SPTBN1: variants seen among roughly 807,000 people sequenced by gnomAD.
SPTBN1 encodes the protein spectrin beta, non-erythrocytic 1, also known as spectrin beta chain, non-erythrocytic 1.
SPTBN1 carries 32 observed loss-of-function variants against 266.4 expected under a neutral mutation model. That is an observed-to-expected ratio of 0.12 (90% CI 0.09 to 0.16). SPTBN1 has a LOEUF of 0.16. Ranked by LOEUF, SPTBN1 falls within the 10% of genes least tolerant of loss-of-function variation. The pLI is 1.00. For missense variants in SPTBN1, 2,296 were observed against 3,067.1 expected, an observed-to-expected ratio of 0.75 and a Z score of 5.94; for synonymous variants, 1,336 against 1,162.2, an observed-to-expected ratio of 1.15 and a Z score of -3.04.
intron 2 of SPTBN1, among the ~76,000 whole-genome samples, chr2:54,584,774 G>T (rs1009274724): frequency 6.6e-6 from 1 of 152,188 alleles, no homozygotes; most frequent in African/African-American, 2.4e-5. Context: ...CCTAGGCTAT[G>T]TCAAGGTAGC....
At chr2:54,599,563 T>G (rs60542617) in intron 3 of SPTBN1, among the ~76,000 whole-genome samples, 4,078 of 152,328 alleles carry the variant, frequency 0.027, 178 homozygotes, top group African/African-American at 0.09. Flanking sequence ...GGCGCTGGCT[T>G]CTAGATGAAC....
Position 54,659,137 on chromosome 2 carries a change from A to G in SPTBN1, c.6244-17A>G, listed in dbSNP as rs12053304. ...AGAGTTTGGGACTCTACCAAACATC[A>G]CTCTATTTTCTCTTAGTTGGAGTTA... is the stretch of plus-strand genomic sequence containing the variant. On this transcript the variant is annotated splice_polypyrimidine_tract_variant and intron_variant, in intron 30 of 35. Coordinates refer to ENST00000356805, the MANE Select transcript of SPTBN1 (RefSeq NM_003128.3). 55 of 1,613,152 alleles carry G rather than the reference A, an allele frequency of 3.4e-5. No individual in the cohort carries two copies. The East Asian group carries it at 1.2e-3, about 35-fold the overall frequency.
chr2:54,600,287 C>T (rs1573503205), intron 3 of SPTBN1, among the ~76,000 whole-genome samples: 3 of 152,314 alleles, frequency 2.0e-5, no homozygotes, highest in Admixed American at 2.0e-4. Flanking sequence ...GTATTCTCTT[C>T]CCTGCCCTTC....
Position 54,609,156 on chromosome 2 carries a change from G to C in SPTBN1, c.301-3005G>C, listed in dbSNP as rs374861926. ...GCAGTCTTGAATAATTGGAACCCTTGGAACAAATTCAATTTGTTTTCTGGT... is the reference window on the plus strand; with the variant it reads ...GCAGTCTTGAATAATTGGAACCCTTCGAACAAATTCAATTTGTTTTCTGGT... On this transcript the variant is annotated intron_variant, in intron 3 of 35. Coordinates refer to ENST00000356805, the MANE Select transcript of SPTBN1 (RefSeq NM_003128.3). 2.0e-4 allele frequency among the ~76,000 whole-genome samples: 31 copies of C among 152,206 alleles called. No homozygotes were observed. The South Asian group carries it at 2.9e-3, about 14-fold the overall frequency.
Position 54,626,184 on chromosome 2 carries a change from A to C in SPTBN1, c.1594A>C (p.Lys532Gln). Reference protein sequence around the residue: ...QRLEMNLGLQKIFQEMLYIMD... With the variant: ...QRLEMNLGLQQIFQEMLYIMD... ...GCTCGAGATGAACCTGGGGCTGCAG[A>C]AGATATTCCAGGAAATGCTCTACAT... The change falls in exon 12 of 36, where the codon AAG (lysine) becomes CAG (glutamine). Residue 532 changes from lysine to glutamine, a missense_variant. Lys to Gln is a moderately conservative substitution (Grantham distance 53). Around this residue, in one of 12 missense-constraint regions of SPTBN1, gnomAD observed 434 missense variants for 573.9 expected, o/e 0.76. Transcript: ENST00000356805. The surrounding 1 kb of genome is among the most constrained non-coding windows in gnomAD (Gnocchi z 4.7). The C allele has an allele frequency of 6.2e-7, 1 of 1,614,176 alleles. No individual in the cohort carries two copies. Among genetic ancestry groups the C allele is most frequent in the Non-Finnish European group, 8.5e-7 (1 of 1,180,028 alleles).
chr2:54,657,715 G>A, intron 29 of SPTBN1, 135 bp from the exon 30 acceptor site: 1 of 1,025,136 alleles, frequency 9.8e-7, no homozygotes, highest in Non-Finnish European at 1.4e-6. Flanking sequence ...ACATTGGACA[G>A]GGCTAATTTA....
At chr2:54,460,648 C>CTT (rs1467003592) in intron 1 of SPTBN1, among the ~76,000 whole-genome samples, 1 of 152,088 alleles carries the variant, frequency 6.6e-6, no homozygotes, top group Non-Finnish European at 1.5e-5. Context: ...TCTTAGAGTT[C>CTT]TTTTTTGAAT....
intron 17 of SPTBN1, among the ~76,000 whole-genome samples, chr2:54,634,139 T>C (rs886474526): frequency 6.6e-6 from 1 of 152,238 alleles, no homozygotes; most frequent in Non-Finnish European, 1.5e-5. Flanking sequence ...CCATGTTAGA[T>C]GCACACAGCT....
intron 2 of SPTBN1, among the ~76,000 whole-genome samples, chr2:54,574,659 C>T (rs939001090): frequency 2.6e-5 from 4 of 152,136 alleles, no homozygotes; most frequent in African/African-American, 9.7e-5. Context: ...GGGTCATGCT[C>T]ATGTCAGGCA....
At chr2:54,608,318 G>A (rs764351411) in intron 3 of SPTBN1, among the ~76,000 whole-genome samples, 4 of 152,206 alleles carry the variant, frequency 2.6e-5, no homozygotes, top group Non-Finnish European at 4.4e-5. Flanking sequence ...TGGGCTCTGT[G>A]GTCCAGCCTG....
chr2:54,491,464 T>TG (rs1668678177), intron 1 of SPTBN1, among the ~76,000 whole-genome samples: 1 of 152,244 alleles, frequency 6.6e-6, no homozygotes, highest in Non-Finnish European at 1.5e-5. Context: ...AATAACTTCT[T>TG]GGAGTAAATA....
chr2:54,653,892 G>A lies in SPTBN1; in HGVS notation c.5822+39G>A, dbSNP rs778557396. On this transcript the variant is annotated intron_variant, in intron 27 of 35. Coordinates refer to ENST00000356805, the MANE Select transcript of SPTBN1 (RefSeq NM_003128.3). The surrounding 1 kb of genome is among the most constrained non-coding windows in gnomAD (Gnocchi z 5.1). The stretch of plus-strand genomic sequence containing the variant: ...CCCAAAGGAAATTGGACTTATTGGC[G>A]CTTGGTTAAAACACAGGAGTCTTCC... 37 of 1,594,438 alleles carry A rather than the reference G, an allele frequency of 2.3e-5. No homozygotes were observed. Among genetic ancestry groups the A allele is most frequent in the Admixed American group, 1.7e-4 (9 of 52,562 alleles).
chr2:54,657,937 T>C lies in SPTBN1; in HGVS notation c.6134T>C (p.Ile2045Thr), dbSNP rs746005973. Residue 2045 changes from isoleucine (I) to threonine (T), a missense_variant, in exon 30 of 36, where the codon ATA (isoleucine) becomes ACA (threonine). By Grantham distance (89) the Ile-to-Thr change is moderately conservative. Around this residue, in one of 12 missense-constraint regions of SPTBN1, gnomAD observed 644 missense variants for 745.3 expected, o/e 0.86. Coordinates refer to ENST00000356805, the MANE Select transcript of SPTBN1 (RefSeq NM_003128.3). ...GQEPYLSSRE[I>T]GQSVDEVEKL... ...GAGCCGTACCTATCCAGCCGAGAGATAGGCCAGAGCGTGGACGAGGTGGAG... is the reference window on the plus strand; with the variant it reads ...GAGCCGTACCTATCCAGCCGAGAGACAGGCCAGAGCGTGGACGAGGTGGAG... The C allele has an allele frequency of 1.2e-6, 2 of 1,614,066 alleles. No individual in the cohort carries two copies. Among genetic ancestry groups the C allele is most frequent in the African/African-American group, 2.7e-5 (2 of 74,924 alleles).
chr2:54,517,475 T>G (rs1234505503), intron 1 of SPTBN1, among the ~76,000 whole-genome samples: 1 of 152,216 alleles, frequency 6.6e-6, no homozygotes, highest in Non-Finnish European at 1.5e-5. Flanking sequence ...CTATACTCTG[T>G]CATTGATAAA....
chr2:54,535,389 C>T (rs866189626), intron 2 of SPTBN1, among the ~76,000 whole-genome samples: 1 of 152,178 alleles, frequency 6.6e-6, no homozygotes, highest in Non-Finnish European at 1.5e-5. Context: ...TGTACGTTAG[C>T]GGTTACTTCC....
chr2:54,466,890 A>G lies in SPTBN1; in HGVS notation c.-48+10372A>G, dbSNP rs114403761. 4.0e-3 allele frequency among the ~76,000 whole-genome samples: 611 copies of G among 152,338 alleles called. 4 individuals carry two copies. The highest frequency in any genetic ancestry group is 7.3e-3 in the Non-Finnish European group (500 of 68,036). ...AAGCAGTATTAATAATGAAGATATA[A>G]AGAACACTGAAATTTTTGAAAGATC... On this transcript the variant is annotated intron_variant, in intron 1 of 35. Coordinates refer to ENST00000356805, the MANE Select transcript of SPTBN1 (RefSeq NM_003128.3).
At chr2:54,603,432 C>T (rs28660202) in intron 3 of SPTBN1, among the ~76,000 whole-genome samples, 6,219 of 152,228 alleles carry the variant, frequency 0.041, 394 homozygotes, top group African/African-American at 0.14. Flanking sequence ...ATGAAGTGGG[C>T]AACCTCTGCT....
chr2:54,558,442 G>A lies in SPTBN1; in HGVS notation c.148+31876G>A, dbSNP rs1235699435. ...CTCCCGGGCTCGGCAACCGTGGCAT[G>A]CTTAGGATTGGCCATATTTAAAAGT... On this transcript the variant is annotated intron_variant, in intron 2 of 35. Transcript: ENST00000356805. The surrounding 1 kb of genome is among the most constrained non-coding windows in gnomAD (Gnocchi z 4.6). The A allele has an allele frequency of 2.9e-6, 3 of 1,040,226 alleles. No homozygotes were observed. Among genetic ancestry groups the A allele is most frequent in the African/African-American group, 1.7e-5 (1 of 58,984 alleles). The allele number at this position is 1,040,226 out of a possible 1,614,324, so 64.4% of individuals were successfully genotyped here.
In SPTBN1 at chr2:54,576,611, C is replaced by T. The variant is rs74851915; in HGVS notation, c.149-22481C>T. Among the ~76,000 whole-genome samples the T allele has an allele frequency of 2.0e-3, 301 of 152,296 alleles. 2 individuals are homozygous for T. Among genetic ancestry groups the T allele is most frequent in the African/African-American group, 7.0e-3 (292 of 41,550 alleles). ...GCTGTGAGAATGGAGTAGCATGTAC[C>T]TCTTAATTAGCCAAGAATAAGTGCC... On this transcript the variant is annotated intron_variant, in intron 2 of 35. Transcript: ENST00000356805.
Sources: allele counts gnomAD v4.1 joint callset (sites outside exome capture counted in the v4.1 genomes callset), GRCh38; gene constraint gnomAD v4.1.1; regional missense constraint gnomAD v4.1.1; non-coding constraint Gnocchi (gnomAD v3.1); transcripts MANE v1.5; gene names NCBI Gene and HGNC (gene_info 2026-07-23, HGNC 2026-07-21).